Variants in TTLL9 observed in about 807,000 individuals in gnomAD.
TTLL9 encodes the protein probable tubulin polyglutamylase TTLL9.
Under a neutral mutation model 65.6 loss-of-function variants are expected in TTLL9, and 47 were observed. That is an observed-to-expected ratio of 0.72 (90% CI 0.57 to 0.91). The LOEUF (loss-of-function observed/expected upper bound fraction) is 0.91. Among genes scored for constraint, TTLL9 ranks in the 40% least tolerant of loss-of-function variants. The pLI is 0.00. For synonymous variants in TTLL9, 179 were observed against 204.8 expected (o/e 0.87, Z 1.07); for missense variants, 537 against 568.8 (o/e 0.94, Z 0.57).
Position 31,922,943 on chromosome 20 carries a change from A to G in TTLL9, c.574-20A>G. ...ATGTTCCATAAATAAATGTTCAATT[A>G]TTATTATTATTACAACTAGGACACA... On this transcript the variant is annotated intron_variant, in intron 7 of 14. Transcript: ENST00000535842. The G allele has an allele frequency of 6.3e-7, 1 of 1,580,080 alleles. No homozygotes were observed. The highest frequency in any genetic ancestry group is 1.3e-5 in the African/African-American group (1 of 74,178).
chr20:31,877,328 G>C (rs1164720213), intron 2 of TTLL9, among the ~76,000 whole-genome samples: 1 of 152,166 alleles, frequency 6.6e-6, no homozygotes, highest in Non-Finnish European at 1.5e-5. Flanking sequence ...TAGTAGAGAC[G>C]GGGTTTCACC....
chr20:31,911,528 C>T (rs1200294770), intron 6 of TTLL9, among the ~76,000 whole-genome samples: 1 of 152,136 alleles, frequency 6.6e-6, no homozygotes, highest in African/African-American at 2.4e-5. Context: ...AAGGTGTACC[C>T]AGGCCTCCCA....
intron 3 of TTLL9, among the ~76,000 whole-genome samples, chr20:31,888,662 A>G (rs1305578971): frequency 6.6e-6 from 1 of 152,090 alleles, no homozygotes; most frequent in Non-Finnish European, 1.5e-5. Flanking sequence ...ATTTATAAAG[A>G]AAAGAGGTGT....
At chr20:31,890,193 C>CTTTCTTTCTTTCTTTCT (rs2063285922) in intron 3 of TTLL9, among the ~76,000 whole-genome samples, 1 of 126,826 alleles carries the variant, frequency 7.9e-6, no homozygotes, top group Admixed American at 9.4e-5. Context: ...TTCTTTCTTT[C>CTTTCTTTCTTTCTTTCT]TTTCTTTCTC....
chr20:31,915,840 G>T (rs2063726445), intron 6 of TTLL9, among the ~76,000 whole-genome samples: 1 of 152,086 alleles, frequency 6.6e-6, no homozygotes, highest in African/African-American at 2.4e-5. Context: ...TTGGCTGCTG[G>T]TATTGCCATT....
intron 10 of TTLL9, 88 bp downstream of exon 10, chr20:31,926,179 G>T: frequency 1.2e-6 from 1 of 853,946 alleles, no homozygotes; most frequent in South Asian, 1.4e-5. Flanking sequence ...GCTCAGAGCA[G>T]CTCACTGCAA....
At chr20:31,922,592 C>T (rs571049450) in intron 7 of TTLL9, among the ~76,000 whole-genome samples, 7 of 152,336 alleles carry the variant, frequency 4.6e-5, no homozygotes, top group Non-Finnish European at 8.8e-5. Context: ...CTTATGTCTT[C>T]GAATTTCATC....
intron 13 of TTLL9, 117 bp downstream of exon 13, chr20:31,937,626 C>A: frequency 1.4e-6 from 1 of 731,494 alleles, no homozygotes; most frequent in Non-Finnish European, 2.2e-6. Flanking sequence ...TGGCTCTGGC[C>A]TGCCCCACCA....
At chr20:31,893,359 C>T (rs546414448) in intron 3 of TTLL9, among the ~76,000 whole-genome samples, 8 of 147,308 alleles carry the variant, frequency 5.4e-5, no homozygotes, top group East Asian at 2.0e-4. Flanking sequence ...GGTGCAATCT[C>T]GGCTCACTGC....
chr20:31,938,987 T>C (rs971204277), intron 13 of TTLL9, among the ~76,000 whole-genome samples, 155 bp from the exon 14 acceptor site: 8 of 152,046 alleles, frequency 5.3e-5, no homozygotes, highest in Non-Finnish European at 1.2e-4. Flanking sequence ...GAGACCTACA[T>C]AGGCACCTGG....
In TTLL9 at chr20:31,898,566, G is replaced by A. The variant is rs755271421; in HGVS notation, c.206+1G>A. 1 of 1,613,792 alleles carries A rather than the reference G, an allele frequency of 6.2e-7. No homozygotes were observed. The highest frequency in any genetic ancestry group is 1.1e-5 in the South Asian group (1 of 91,070). The stretch of plus-strand genomic sequence containing the variant: ...GGCCAGGATGGGTGGAAGTGAAGGA[G>A]TAAGACCCTCCCCCCAGCCTTGTCC... On this transcript the variant is annotated splice_donor_variant, in intron 4 of 14. Transcript: ENST00000535842. LOFTEE classifies it high-confidence loss of function.
At chr20:31,936,574 A>G (rs1281450958) in intron 12 of TTLL9, among the ~76,000 whole-genome samples, 1 of 152,002 alleles carries the variant, frequency 6.6e-6, no homozygotes, top group Non-Finnish European at 1.5e-5. Flanking sequence ...GGGGCTGGCC[A>G]CAGCCACCCC....
chr20:31,939,226 C>T lies in TTLL9; in HGVS notation c.1203C>T (p.Asp401=). The T allele has an allele frequency of 1.9e-6, 3 of 1,613,542 alleles. No individual in the cohort carries two copies. The South Asian group carries it at 3.3e-5, about 18-fold the overall frequency. The change falls in exon 14 of 15, where the codon GAC becomes GAT. Residue 401 remains aspartate (D), a synonymous_variant. Transcript: ENST00000535842. The part of the protein sequence containing the change: ...GPVSREEGAP[D]LSGMGNFVTN... Reference sequence around the variant, plus strand: ...TTAGCAGAGAGGAGGGGGCTCCTGACCTGTCGGGAATGGGAAACTTTGTGA... The same window carrying T: ...TTAGCAGAGAGGAGGGGGCTCCTGATCTGTCGGGAATGGGAAACTTTGTGA...
chr20:31,928,245 G>A (rs2063943157), intron 10 of TTLL9, among the ~76,000 whole-genome samples: 1 of 151,856 alleles, frequency 6.6e-6, no homozygotes, highest in African/African-American at 2.4e-5. Context: ...ATGAGGCTTT[G>A]CTGTTTTCAC....
chr20:31,928,843 A>G (rs2063955369), intron 10 of TTLL9, among the ~76,000 whole-genome samples: 1 of 152,224 alleles, frequency 6.6e-6, no homozygotes, highest in Non-Finnish European at 1.5e-5. Flanking sequence ...GTTTAAGAAA[A>G]AGTATGAAAG....
At chr20:31,895,825 T>C (rs946566282) in intron 3 of TTLL9, among the ~76,000 whole-genome samples, 1 of 74,844 alleles carries the variant, frequency 1.3e-5, no homozygotes, top group Non-Finnish European at 2.9e-5. Flanking sequence ...ATTTATTTAT[T>C]TATTTATTTA....
At chr20:31,899,803 C>T (rs368939128) in intron 4 of TTLL9, among the ~76,000 whole-genome samples, 15 of 151,258 alleles carry the variant, frequency 9.9e-5, no homozygotes, top group Admixed American at 3.3e-4. Flanking sequence ...CTTGCTCTGT[C>T]GCCCAGGCTG....
chr20:31,889,415 T>G (rs1317623946), intron 3 of TTLL9, among the ~76,000 whole-genome samples: 1 of 150,226 alleles, frequency 6.7e-6, no homozygotes, highest in Non-Finnish European at 1.5e-5. Flanking sequence ...CTCATGCCAG[T>G]GCACCTGGCT....
chr20:31,890,089 T>TTCC, intron 3 of TTLL9, among the ~76,000 whole-genome samples: 45 of 125,802 alleles, frequency 3.6e-4, no homozygotes, highest in African/African-American at 1.5e-3. Context: ...GCTTTCTTGC[T>TTCC]TTCTTTCCCT....
Sources: gnomAD v4.1 joint callset for allele counts (sites outside exome capture counted in the v4.1 genomes callset) on GRCh38, gnomAD v4.1.1 for gene constraint, MANE v1.5 for transcripts, NCBI Gene and HGNC (gene_info 2026-07-23, HGNC 2026-07-21) for gene names.